SMAD3: variants seen among roughly 807,000 people sequenced by gnomAD.
SMAD3 encodes the protein SMAD family member 3.
A neutral mutation model predicts 51.8 loss-of-function variants in SMAD3; 12 were observed. The ratio of observed to expected loss-of-function variants is 0.23; its 90% confidence interval spans 0.15 to 0.38. The LOEUF is 0.38. Ranked by LOEUF, SMAD3 falls within the 10% of genes least tolerant of loss-of-function variation. The probability of loss-of-function intolerance (pLI) is 1.00; values close to 1 mark genes in which losing one functional copy is unlikely to be tolerated. For synonymous variants in SMAD3, 238 were observed against 227.7 expected (o/e 1.05, Z -0.41); for missense variants, 294 against 565.6 (o/e 0.52, Z 4.87).
At chr15:67,183,339 C>T (rs1016727580) in intron 6 of SMAD3, among the ~76,000 whole-genome samples, 4 of 151,852 alleles carry the variant, frequency 2.6e-5, no homozygotes, top group Non-Finnish European at 5.9e-5. Flanking sequence ...CCACCATGCC[C>T]GGCCTATTTT....
rs1464570865 is a variant in SMAD3, at chr15:67,181,317, G to A, written c.735G>A (p.Gly245=). The stretch of plus-strand genomic sequence containing the variant: ...ACTACGAGCTGAACCAGCGCGTCGG[G>A]GAGACATTCCACGCCTCGCAGCCAT... ...ISYYELNQRV[G]ETFHASQPSM... The change falls in exon 6 of 9, where the codon GGG becomes GGA. Residue 245 remains glycine (G), a synonymous_variant. Coordinates refer to ENST00000327367, the MANE Select transcript of SMAD3 (RefSeq NM_005902.4). 1.2e-6 allele frequency: 2 copies of A among 1,614,042 alleles called. No homozygotes were observed. The highest frequency in any genetic ancestry group is 1.7e-6 in the Non-Finnish European group (2 of 1,180,010).
intron 1 of SMAD3, among the ~76,000 whole-genome samples, chr15:67,077,171 A>G (rs1271150760): frequency 6.6e-6 from 1 of 152,118 alleles, no homozygotes; most frequent in Non-Finnish European, 1.5e-5. Context: ...AATACTACAT[A>G]TGGTGTGTAG....
intron 8 of SMAD3, among the ~76,000 whole-genome samples, chr15:67,187,816 G>C (rs908648838): frequency 1.3e-5 from 2 of 152,202 alleles, no homozygotes; most frequent in African/African-American, 4.8e-5. Context: ...AGAGAACTAA[G>C]GCCCAGGGAG....
chr15:67,070,493 A>AC (rs1187982374), intron 1 of SMAD3, among the ~76,000 whole-genome samples: 1 of 151,274 alleles, frequency 6.6e-6, no homozygotes, highest in Non-Finnish European at 1.5e-5. Context: ...TATTTATTGG[A>AC]CCCTCCCATG....
chr15:67,172,254 A>T (rs1248814122), intron 5 of SMAD3, among the ~76,000 whole-genome samples: 1 of 152,204 alleles, frequency 6.6e-6, no homozygotes, highest in African/African-American at 2.4e-5. Context: ...GAGAATTCTT[A>T]GGTTATTTCT....
chr15:67,074,582 T>C (rs975054021), intron 1 of SMAD3, among the ~76,000 whole-genome samples: 1 of 152,270 alleles, frequency 6.6e-6, no homozygotes, highest in African/African-American at 2.4e-5. Context: ...CAGTATCACA[T>C]GGCTCTCCCA....
At chr15:67,183,644 T>G (rs1017118699) in intron 6 of SMAD3, among the ~76,000 whole-genome samples, 2 of 152,206 alleles carry the variant, frequency 1.3e-5, no homozygotes, top group African/African-American at 2.4e-5. Flanking sequence ...CTCCGTGTTC[T>G]GACCTCTGAG....
chr15:67,078,266 C>T (rs1960213081), intron 1 of SMAD3, among the ~76,000 whole-genome samples: 1 of 152,178 alleles, frequency 6.6e-6, no homozygotes, highest in Admixed American at 6.5e-5. Context: ...CATGCAGATG[C>T]CTGGTCTACC....
chr15:67,126,929 C>T (rs1214203648), intron 1 of SMAD3, among the ~76,000 whole-genome samples: 2 of 152,208 alleles, frequency 1.3e-5, no homozygotes, highest in East Asian at 3.8e-4. Context: ...CAGGCACACT[C>T]TTGAATATTC....
chr15:67,074,006 G>A (rs1043277122), intron 1 of SMAD3, among the ~76,000 whole-genome samples: 1 of 152,176 alleles, frequency 6.6e-6, no homozygotes, highest in South Asian at 2.1e-4. Flanking sequence ...CCAGTTGCAC[G>A]CATCTAGTTG....
At chr15:67,134,020 G>GC (rs963001583) in intron 1 of SMAD3, among the ~76,000 whole-genome samples, 17 of 152,044 alleles carry the variant, frequency 1.1e-4, no homozygotes, top group Admixed American at 7.2e-4. Flanking sequence ...TTCACGTTTA[G>GC]CACCTTCACG....
intron 1 of SMAD3, among the ~76,000 whole-genome samples, chr15:67,084,186 C>T (rs1791420668): frequency 6.7e-6 from 1 of 148,288 alleles, no homozygotes; most frequent in African/African-American, 2.5e-5. Context: ...TGCTATTCTC[C>T]TGCCTCAGCC....
chr15:67,091,295 C>T (rs956738421), intron 1 of SMAD3, among the ~76,000 whole-genome samples: 5 of 152,236 alleles, frequency 3.3e-5, no homozygotes, highest in African/African-American at 7.2e-5. Flanking sequence ...GCTTCCAGGC[C>T]AGAGCCTGAC....
At chr15:67,180,540 G>A (rs1012191943) in intron 5 of SMAD3, among the ~76,000 whole-genome samples, 6 of 148,618 alleles carry the variant, frequency 4.0e-5, no homozygotes, top group African/African-American at 1.5e-4. Flanking sequence ...CCCAACAGCC[G>A]GCATCTAGAT....
At chr15:67,158,940 T>C (rs553538087) in intron 1 of SMAD3, among the ~76,000 whole-genome samples, 90 of 152,346 alleles carry the variant, frequency 5.9e-4, no homozygotes, top group African/African-American at 2.1e-3. Flanking sequence ...TTCCTGCCAC[T>C]TTCTGGAATA....
At chr15:67,127,799 A>G (rs1961427810) in intron 1 of SMAD3, among the ~76,000 whole-genome samples, 1 of 152,118 alleles carries the variant, frequency 6.6e-6, no homozygotes, top group Non-Finnish European at 1.5e-5. Context: ...CTTTCTCCCC[A>G]AAGTGCGTTC....
At chr15:67,136,886 T>G (rs952469805) in intron 1 of SMAD3, among the ~76,000 whole-genome samples, 1 of 152,176 alleles carries the variant, frequency 6.6e-6, no homozygotes, top group African/African-American at 2.4e-5. Flanking sequence ...TCTTCAGGTT[T>G]CGTAGCAGAC....
chr15:67,111,103 C>T (rs1961003415), intron 1 of SMAD3, among the ~76,000 whole-genome samples: 2 of 152,284 alleles, frequency 1.3e-5, no homozygotes, highest in African/African-American at 4.8e-5. Context: ...AATTTTAGAA[C>T]ATTTTCAACA....
intron 1 of SMAD3, among the ~76,000 whole-genome samples, chr15:67,111,340 AAATAGTATTCCAGTGTATGGATATACC>A (rs1229203662): frequency 2.0e-5 from 3 of 152,212 alleles, no homozygotes; most frequent in African/African-American, 7.2e-5. Context: ...TTTTATGGCC[AAATAGTATTCCAGTGTATGGATATACC>A]ACATTTTGTT....
Sources: gnomAD v4.1 joint callset for allele counts (sites outside exome capture counted in the v4.1 genomes callset) on GRCh38, gnomAD v4.1.1 for gene constraint, MANE v1.5 for transcripts, NCBI Gene and HGNC (gene_info 2026-07-23, HGNC 2026-07-21) for gene names.